IPO8: variants seen among roughly 807,000 people sequenced by gnomAD.
The protein encoded by IPO8 is importin 8.
IPO8 carries 65 observed loss-of-function variants against 141.2 expected under a neutral mutation model. The ratio of observed to expected loss-of-function variants is 0.46; its 90% CI spans 0.38 to 0.57. IPO8 has a LOEUF of 0.57. IPO8 is among the 20% of genes least tolerant of loss of function. IPO8 has a pLI of 0.00. For synonymous variants in IPO8, 411 were observed against 420.3 expected (o/e 0.98, Z 0.27); for missense variants, 980 against 1,246.8 (o/e 0.79, Z 3.22).
chr12:30,636,730 T>C (rs1389532401), intron 22 of IPO8, among the ~76,000 whole-genome samples: 2 of 152,082 alleles, frequency 1.3e-5, no homozygotes, highest in Non-Finnish European at 2.9e-5. Context: ...TGTTTCCTAA[T>C]GTGTAACAGC....
chr12:30,687,814 C>A (rs916874998), intron 2 of IPO8, among the ~76,000 whole-genome samples: 1 of 152,140 alleles, frequency 6.6e-6, no homozygotes, highest in Non-Finnish European at 1.5e-5. Context: ...AACCTCTAAA[C>A]AAATAACCAC....
intron 1 of IPO8, among the ~76,000 whole-genome samples, chr12:30,692,450 T>G (rs1445528112): frequency 6.6e-6 from 1 of 152,104 alleles, no homozygotes; most frequent in Non-Finnish European, 1.5e-5. Context: ...TTCATACTAC[T>G]TTACTCAGAA....
At chr12:30,679,753 C>A (rs2053165165) in intron 5 of IPO8, among the ~76,000 whole-genome samples, 1 of 152,140 alleles carries the variant, frequency 6.6e-6, no homozygotes, top group African/African-American at 2.4e-5. Context: ...TTGAGCTCAA[C>A]AAAACCATCC....
At chr12:30,654,472 T>G (rs1591829483) in intron 17 of IPO8, among the ~76,000 whole-genome samples, 2 of 151,808 alleles carry the variant, frequency 1.3e-5, no homozygotes, top group South Asian at 2.1e-4. Context: ...ATAATCTATA[T>G]CAAATGAAGA....
At chr12:30,646,462 C>CA (rs1299324295) in intron 20 of IPO8, among the ~76,000 whole-genome samples, 1 of 152,174 alleles carries the variant, frequency 6.6e-6, no homozygotes, top group Non-Finnish European at 1.5e-5. Context: ...CTCTTTTCAT[C>CA]ATAGCTATTC....
chr12:30,666,535 A>C (rs1317347390), intron 10 of IPO8, among the ~76,000 whole-genome samples: 1 of 152,192 alleles, frequency 6.6e-6, no homozygotes, highest in East Asian at 1.9e-4. Context: ...AAAGTGCTTT[A>C]TTTCTATCAA....
intron 23 of IPO8, 151 bp from the exon 24 acceptor site, chr12:30,632,162 C>T (rs187568099): frequency 5.6e-5 from 32 of 576,312 alleles, no homozygotes; most frequent in South Asian, 2.7e-4. Flanking sequence ...ATGAAACTTA[C>T]GCCAACAAAG....
At position 30,695,549 on chromosome 12, in the gene IPO8, A is replaced by C; in HGVS notation, c.84+15T>G. 6.2e-7 allele frequency: 1 copy of C among 1,609,880 alleles called. No homozygotes were observed. Among genetic ancestry groups the C allele is most frequent in the Non-Finnish European group, 8.5e-7 (1 of 1,176,750 alleles). On this transcript the variant is annotated intron_variant, in intron 1 of 24. Coordinates refer to ENST00000256079, the MANE Select transcript of IPO8 (RefSeq NM_006390.4). This position sits in a 1 kb window ranked among gnomAD's most constrained non-coding sequence, Gnocchi z 4.2. ...CCCTTCGGCGGAAGAGGGTCGCCGA[A>C]GACCCTCTCCTCACCTGGTTGAGCT...
intron 3 of IPO8, 76 bp from the exon 4 acceptor site, chr12:30,681,893 A>G: frequency 7.9e-7 from 1 of 1,260,552 alleles, no homozygotes; most frequent in Non-Finnish European, 1.1e-6. Context: ...AATATTTTAC[A>G]TAAAAGTTTG....
At chr12:30,672,365 G>A (rs908064604) in intron 8 of IPO8, among the ~76,000 whole-genome samples, 1 of 152,148 alleles carries the variant, frequency 6.6e-6, no homozygotes, top group African/African-American at 2.4e-5. Context: ...GCTAGAAATG[G>A]ATGATACTGA....
At chr12:30,638,211 C>G (rs1465865380) in intron 21 of IPO8, among the ~76,000 whole-genome samples, 1 of 152,188 alleles carries the variant, frequency 6.6e-6, no homozygotes, top group Non-Finnish European at 1.5e-5. Context: ...ATAAGAGAAC[C>G]AACCGCTTAA....
chr12:30,661,613 A>AC (rs971748976), intron 15 of IPO8, among the ~76,000 whole-genome samples: 5 of 112,450 alleles, frequency 4.4e-5, no homozygotes, highest in African/African-American at 1.6e-4. Flanking sequence ...AATGAAACAA[A>AC]CAAAAAAAAA....
intron 1 of IPO8, among the ~76,000 whole-genome samples, chr12:30,690,940 C>A (rs1267949991): frequency 6.6e-6 from 1 of 152,062 alleles, no homozygotes; most frequent in African/African-American, 2.4e-5. Flanking sequence ...TTTTAAATTG[C>A]ATTTTCTCTA....
At chr12:30,683,390 T>C (rs2053208549) in intron 3 of IPO8, among the ~76,000 whole-genome samples, 1 of 152,192 alleles carries the variant, frequency 6.6e-6, no homozygotes, top group South Asian at 2.1e-4. Flanking sequence ...TATGTCATGA[T>C]GGCTATTAGA....
chr12:30,680,093 G>T (rs1462420464), intron 5 of IPO8, among the ~76,000 whole-genome samples: 2 of 150,664 alleles, frequency 1.3e-5, no homozygotes, highest in Non-Finnish European at 2.9e-5. Context: ...TTTCCCAATA[G>T]AAGAGGGACT....
At chr12:30,666,043 A>G (rs1409412013) in intron 11 of IPO8, 132 bp downstream of exon 11, 7 of 541,408 alleles carry the variant, frequency 1.3e-5, no homozygotes, top group Admixed American at 4.0e-5. Context: ...CCAGGAGAGG[A>G]AAAAAAAAAT....
At chr12:30,671,674 CAA>C (rs71052423) in intron 8 of IPO8, among the ~76,000 whole-genome samples, 1,089 of 56,146 alleles carry the variant, frequency 0.019, 6 homozygotes, top group African/African-American at 0.074. Context: ...GACTCTGCCT[CAA>C]AAAAAAAAAA....
rs1861914820 is a variant in IPO8 at position 30,695,420 on chromosome 12, C to A, written c.84+144G>T. ...CCTGCTCCACTGGACCGGGGGGCAG[C>A]GGGGTCGGAGAGCGGGACCAGCCGT... On this transcript the variant is annotated intron_variant, in intron 1 of 24. Coordinates refer to ENST00000256079, the MANE Select transcript of IPO8 (RefSeq NM_006390.4). The surrounding 1 kb of genome is among the most constrained non-coding windows in gnomAD (Gnocchi z 4.2). The A allele has an allele frequency of 7.6e-6, 5 of 654,076 alleles. No homozygotes were observed. The highest frequency in any genetic ancestry group is 7.4e-5 in the South Asian group (4 of 53,870). The allele number at this position is 654,076 out of a possible 1,614,324, so 40.5% of individuals were successfully genotyped here.
chr12:30,654,919 G>A (rs1242814368), intron 17 of IPO8, among the ~76,000 whole-genome samples: 1 of 151,886 alleles, frequency 6.6e-6, no homozygotes, highest in Non-Finnish European at 1.5e-5. Context: ...ACTGAAGCAT[G>A]TTTCACAATA....
Sources: gnomAD v4.1 joint callset for allele counts (sites outside exome capture counted in the v4.1 genomes callset) on GRCh38, gnomAD v4.1.1 for gene constraint, Gnocchi (gnomAD v3.1) non-coding constraint, MANE v1.5 for transcripts, NCBI Gene and HGNC (gene_info 2026-07-23, HGNC 2026-07-21) for gene names.